The following NRG4 variants were observed in gnomAD, a reference collection of about 807,000 sequenced individuals.
NRG4 encodes the protein neuregulin 4.
In NRG4, 10 loss-of-function variants were observed where a neutral mutation model predicts 15.0. That is an observed-to-expected ratio of 0.67 (90% CI 0.41 to 1.13). The LOEUF is 1.13. NRG4 is among the 50% of genes most tolerant of loss of function. The pLI is 0.00. For synonymous variants in NRG4, 41 were observed against 50.1 expected (o/e 0.82, Z 0.77); for missense variants, 139 against 140.2 (o/e 0.99, Z 0.04).
intron 3 of NRG4, among the ~76,000 whole-genome samples, chr15:75,971,951 T>C (rs1454483528): frequency 6.6e-6 from 1 of 152,184 alleles, no homozygotes; most frequent in Non-Finnish European, 1.5e-5. Flanking sequence ...CACACTGTCT[T>C]CCACAATGGT....
chr15:76,042,505 G>GATCATTAGA (rs2035768946), intron 4 of NRG4, among the ~76,000 whole-genome samples: 1 of 151,942 alleles, frequency 6.6e-6, no homozygotes, highest in Non-Finnish European at 1.5e-5. Flanking sequence ...AAATTCAAAG[G>GATCATTAGA]ATCATTAGAG....
chr15:75,945,268 TATTTTA>T (rs1352799167), intron 5 of NRG4, among the ~76,000 whole-genome samples: 2 of 125,406 alleles, frequency 1.6e-5, no homozygotes, highest in Non-Finnish European at 3.6e-5. Flanking sequence ...CATTTATTTT[TATTTTA>T]TTTTTTTTGT....
At chr15:76,057,832 TTATAAA>T (rs2036190310) in intron 1 of NRG4, among the ~76,000 whole-genome samples, 1 of 150,212 alleles carries the variant, frequency 6.7e-6, no homozygotes, top group Non-Finnish European at 1.5e-5. Flanking sequence ...ATATAAATAT[TTATAAA>T]TATAAATATT....
At chr15:75,964,374 AATT>A (rs1350674968) in intron 3 of NRG4, among the ~76,000 whole-genome samples, 3 of 152,198 alleles carry the variant, frequency 2.0e-5, no homozygotes, top group African/African-American at 7.2e-5. Context: ...AGTAGGTAAC[AATT>A]ATTTGTGACT....
chr15:76,028,415 A>G (rs2035372441), intron 5 of NRG4, among the ~76,000 whole-genome samples: 1 of 152,142 alleles, frequency 6.6e-6, no homozygotes, highest in African/African-American at 2.4e-5. Flanking sequence ...TTGGATATAT[A>G]CAACCTACCA....
downstream of NRG4, chr15:75,939,132 G>GAAAC (rs1413687333): frequency 6.6e-6 from 1 of 151,838 alleles, no homozygotes; most frequent in East Asian, 1.9e-4. Context: ...ATAAAGATTA[G>GAAAC]AAACACTAGA....
intron 4 of NRG4, among the ~76,000 whole-genome samples, chr15:75,961,579 G>C (rs2032523766): frequency 6.6e-6 from 1 of 152,268 alleles, no homozygotes; most frequent in African/African-American, 2.4e-5. Context: ...TTGCTATAGT[G>C]AGTATGGGTT....
chr15:75,945,577 TAACA>T (rs1297164868), intron 5 of NRG4, among the ~76,000 whole-genome samples: 4 of 152,134 alleles, frequency 2.6e-5, no homozygotes, highest in Non-Finnish European at 5.9e-5. Context: ...TCTACAAACC[TAACA>T]AACAAAAGAC....
Position 76,009,240 on chromosome 15 carries a change from GC to G in NRG4, c.63del (p.Leu22PhefsTer4). On this transcript the variant is annotated frameshift_variant, in exon 3 of 6. Transcript: ENST00000394907. LOFTEE classifies it high-confidence loss of function. ...GGAATAGTAGGTATCACATAACAAAGCCCCCCATTCAGGCAAAACGACTTGT... is the reference window on the plus strand; with the variant it reads ...GGAATAGTAGGTATCACATAACAAAGCCCCCATTCAGGCAAAACGACTTGT... The part of the protein sequence containing the change: ...PSHKSFCLNG[G>X]LCYVIPTIPS... 1.2e-6 allele frequency: 2 copies of G among 1,603,728 alleles called. No homozygotes were observed. Among genetic ancestry groups the G allele is most frequent in the Non-Finnish European group, 1.7e-6 (2 of 1,171,768 alleles).
chr15:76,011,137 C>G (rs1460550274), intron 2 of NRG4, 84 bp downstream of exon 2: 10 of 1,107,518 alleles, frequency 9.0e-6, no homozygotes, highest in Non-Finnish European at 1.2e-5. Context: ...AATAATACAG[C>G]CTTGTGTTAA....
At chr15:75,949,075 C>T (rs1209184486) in intron 5 of NRG4, among the ~76,000 whole-genome samples, 1 of 152,104 alleles carries the variant, frequency 6.6e-6, no homozygotes, top group Non-Finnish European at 1.5e-5. Context: ...GTCTACAATT[C>T]AATGAATTTT....
chr15:75,996,990 A>G (rs75777623), intron 3 of NRG4, among the ~76,000 whole-genome samples: 2,563 of 152,238 alleles, frequency 0.017, 69 homozygotes, highest in African/African-American at 0.058. Flanking sequence ...TTATTTTAAT[A>G]GTATTTTTAA....
At chr15:75,976,530 A>G (rs948297935) in intron 3 of NRG4, among the ~76,000 whole-genome samples, 7 of 151,236 alleles carry the variant, frequency 4.6e-5, no homozygotes, top group Admixed American at 2.6e-4. Flanking sequence ...TTTTGTGGAC[A>G]CCCTTTTTGT....
downstream of NRG4, chr15:75,938,817 A>G (rs1302325863): frequency 2.0e-5 from 3 of 152,324 alleles, no homozygotes; most frequent in East Asian, 5.8e-4. Context: ...GTTAGAAATC[A>G]GTAACAAAAG....
At chr15:75,966,050 C>G (rs963481392) in intron 3 of NRG4, among the ~76,000 whole-genome samples, 6 of 152,312 alleles carry the variant, frequency 3.9e-5, no homozygotes, top group Non-Finnish European at 7.4e-5. Context: ...AAATACTCCA[C>G]TAGGTGAGAA....
chr15:76,029,389 CT>C (rs2035409862), intron 5 of NRG4, among the ~76,000 whole-genome samples: 1 of 152,170 alleles, frequency 6.6e-6, no homozygotes. Context: ...ACTCTCACCA[CT>C]GTTATTCAAC....
downstream of NRG4, chr15:75,939,090 TAATA>T (rs1054128557): frequency 3.3e-5 from 5 of 151,904 alleles, no homozygotes; most frequent in African/African-American, 4.8e-5. Flanking sequence ...TGGAAGGAAA[TAATA>T]AAGATTAGAA....
chr15:75,944,208 C>A (rs2031295850), intron 5 of NRG4, among the ~76,000 whole-genome samples: 1 of 152,146 alleles, frequency 6.6e-6, no homozygotes, highest in Admixed American at 6.5e-5. Context: ...GTTTAACCTC[C>A]CTAAACCTCA....
chr15:76,043,437 G>A (rs552463067), intron 4 of NRG4, among the ~76,000 whole-genome samples: 17 of 152,238 alleles, frequency 1.1e-4, no homozygotes, highest in Non-Finnish European at 2.2e-4. Flanking sequence ...ACTGATAAAC[G>A]AATTCAGCAA....
Sources: allele counts gnomAD v4.1 joint callset (sites outside exome capture counted in the v4.1 genomes callset), GRCh38; gene constraint gnomAD v4.1.1; transcripts MANE v1.5; gene names NCBI Gene and HGNC (gene_info 2026-07-23, HGNC 2026-07-21).